The following TSPAN9 variants were observed in gnomAD, a reference collection of about 807,000 sequenced individuals.
TSPAN9 encodes tetraspanin-9.
Under a neutral mutation model 31.0 loss-of-function variants are expected in TSPAN9, and 16 were observed. The ratio of observed to expected loss-of-function variants is 0.52; its 90% CI spans 0.35 to 0.78. TSPAN9 has a LOEUF of 0.78. Ranked by LOEUF, TSPAN9 falls within the 30% of genes least tolerant of loss-of-function variation. The probability of loss-of-function intolerance (pLI) is 0.01; values close to 1 mark genes in which losing one functional copy is unlikely to be tolerated. For missense variants in TSPAN9, 272 were observed against 312.5 expected (o/e 0.87, Z 0.98); for synonymous variants, 145 against 121.6 (o/e 1.19, Z -1.27).
At chr12:3,088,407 T>A (rs941946619) in intron 2 of TSPAN9, among the ~76,000 whole-genome samples, 5 of 152,146 alleles carry the variant, frequency 3.3e-5, no homozygotes, top group African/African-American at 9.7e-5. Context: ...TTAGCAGCCA[T>A]TTCAAATTGG....
intron 3 of TSPAN9, among the ~76,000 whole-genome samples, chr12:3,239,452 T>C (rs1267481897): frequency 6.6e-6 from 1 of 152,176 alleles, no homozygotes; most frequent in Non-Finnish European, 1.5e-5. Flanking sequence ...ATTAACATGA[T>C]CATGATGGTG....
chr12:3,087,472 C>T (rs1409326238), intron 2 of TSPAN9, among the ~76,000 whole-genome samples: 2 of 151,972 alleles, frequency 1.3e-5, no homozygotes, highest in East Asian at 3.9e-4. Context: ...CATGATCGTA[C>T]CACTGCACTC....
chr12:3,227,549 C>G (rs1410271374), intron 3 of TSPAN9, among the ~76,000 whole-genome samples: 1 of 152,170 alleles, frequency 6.6e-6, no homozygotes, highest in African/African-American at 2.4e-5. Context: ...TTAATGCTTC[C>G]TGGCAGCACC....
At chr12:3,122,640 A>ACC (rs1020591803) in intron 2 of TSPAN9, among the ~76,000 whole-genome samples, 1 of 151,998 alleles carries the variant, frequency 6.6e-6, no homozygotes, top group Non-Finnish European at 1.5e-5. Context: ...GTTGGCAAGA[A>ACC]CCCCTCTTAA....
intron 2 of TSPAN9, among the ~76,000 whole-genome samples, chr12:3,146,887 A>G (rs369247759): frequency 2.0e-5 from 3 of 152,174 alleles, no homozygotes; most frequent in South Asian, 2.1e-4. Flanking sequence ...CTTTGGGGCC[A>G]TGCTTTTTTG....
intron 2 of TSPAN9, among the ~76,000 whole-genome samples, chr12:3,140,948 T>C (rs577969015): frequency 1.3e-5 from 2 of 151,576 alleles, no homozygotes; most frequent in African/African-American, 2.4e-5. Flanking sequence ...TTTTGGGTTA[T>C]TGGAGAAGGC....
intron 2 of TSPAN9, among the ~76,000 whole-genome samples, chr12:3,155,108 A>T (rs570093907): frequency 3.9e-5 from 6 of 152,214 alleles, no homozygotes; most frequent in Non-Finnish European, 8.8e-5. Context: ...AGCTAATTAA[A>T]AAAAAATTAA....
chr12:3,114,124 G>A (rs577947414), intron 2 of TSPAN9, among the ~76,000 whole-genome samples: 2 of 152,350 alleles, frequency 1.3e-5, no homozygotes, highest in South Asian at 4.1e-4. Flanking sequence ...GGACCTGACT[G>A]TAAACATGTT....
At chr12:3,142,395 C>T (rs1391672454) in intron 2 of TSPAN9, among the ~76,000 whole-genome samples, 5 of 152,136 alleles carry the variant, frequency 3.3e-5, no homozygotes, top group Non-Finnish European at 5.9e-5. Context: ...GCCCCCTCCT[C>T]GCCTCTCGCC....
chr12:3,111,439 C>T (rs1385435908), intron 2 of TSPAN9, among the ~76,000 whole-genome samples: 1 of 152,150 alleles, frequency 6.6e-6, no homozygotes, highest in Non-Finnish European at 1.5e-5. Flanking sequence ...CTCTGAGCTT[C>T]TCTTTTCTCA....
Position 3,168,178 on chromosome 12 carries a change from G to A in TSPAN9, c.-17-32999G>A, listed in dbSNP as rs11830854. 0.032 allele frequency among the ~76,000 whole-genome samples: 4,874 copies of A among 152,276 alleles called. 254 individuals carry two copies. Among genetic ancestry groups the A allele is most frequent in the African/African-American group, 0.11 (4,503 of 41,524 alleles). ...TGCCCTGCAAGGCAGGAGTAGCACCGGTCATCCTTGGCAGAGAATCATTCG... is the reference window on the plus strand; with the variant it reads ...TGCCCTGCAAGGCAGGAGTAGCACCAGTCATCCTTGGCAGAGAATCATTCG... On this transcript the variant is annotated intron_variant, in intron 2 of 8. Transcript: ENST00000011898. This position sits in a 1 kb window ranked among gnomAD's most constrained non-coding sequence, Gnocchi z 4.0.
intron 3 of TSPAN9, among the ~76,000 whole-genome samples, chr12:3,220,305 G>A (rs897424554): frequency 3.9e-5 from 6 of 152,104 alleles, no homozygotes; most frequent in Admixed American, 3.9e-4. Context: ...AAAGACTTCC[G>A]TGCTCTTAAC....
chr12:3,093,681 A>C (rs73247328), intron 2 of TSPAN9, among the ~76,000 whole-genome samples: 6,907 of 152,192 alleles, frequency 0.045, 503 homozygotes, highest in African/African-American at 0.16. Context: ...CTATGGAAAG[A>C]AACTCAACTA....
At position 3,172,799 on chromosome 12, in the gene TSPAN9, G is replaced by A. The variant is rs1253209096; in HGVS notation, c.-17-28378G>A. 6.6e-6 allele frequency: 1 copy of A among 152,248 alleles called. No homozygotes were observed. Among genetic ancestry groups the A allele is most frequent in the Non-Finnish European group, 1.5e-5 (1 of 68,060 alleles). 9.4% of individuals were successfully genotyped at this position (152,248 alleles called of 1,614,324 possible). On this transcript the variant is annotated intron_variant, in intron 2 of 8. Coordinates refer to ENST00000011898, the MANE Select transcript of TSPAN9 (RefSeq NM_006675.5). The surrounding 1 kb of genome is among the most constrained non-coding windows in gnomAD (Gnocchi z 4.8). ...TAATCAGCGTCACCCTGTAGGTGTT[G>A]ATTGAGCCTGCAGGGAATACCAAGC...
chr12:3,200,289 GC>G (rs1313995577), intron 2 of TSPAN9: 1 of 152,216 alleles, frequency 6.6e-6, no homozygotes, highest in African/African-American at 2.4e-5. Flanking sequence ...AGGGGGCGGG[GC>G]CGAGGGCCCG....
At chr12:3,222,252 G>C (rs1040731914) in intron 3 of TSPAN9, among the ~76,000 whole-genome samples, 1 of 152,232 alleles carries the variant, frequency 6.6e-6, no homozygotes, top group Admixed American at 6.5e-5. Context: ...ATGTGGAGGG[G>C]ATCCCCATTT....
At chr12:3,103,513 G>A (rs1017698325) in intron 2 of TSPAN9, among the ~76,000 whole-genome samples, 2 of 152,154 alleles carry the variant, frequency 1.3e-5, no homozygotes, top group Non-Finnish European at 2.9e-5. Flanking sequence ...GACCTCAAAG[G>A]TCCCTAAACT....
At chr12:3,228,096 C>G (rs950201837) in intron 3 of TSPAN9, among the ~76,000 whole-genome samples, 2 of 152,132 alleles carry the variant, frequency 1.3e-5, no homozygotes, top group African/African-American at 4.8e-5. Context: ...TGTCTGTAAT[C>G]CCATCACTTT....
At chr12:3,166,007 T>C (rs999578904) in intron 2 of TSPAN9, among the ~76,000 whole-genome samples, 1 of 152,080 alleles carries the variant, frequency 6.6e-6, no homozygotes, top group Non-Finnish European at 1.5e-5. Context: ...TGGAGGGAAG[T>C]GGCCGAGGTG....
Sources: gnomAD v4.1 joint callset for allele counts (sites outside exome capture counted in the v4.1 genomes callset) on GRCh38, gnomAD v4.1.1 for gene constraint, Gnocchi (gnomAD v3.1) non-coding constraint, MANE v1.5 for transcripts, NCBI Gene and HGNC (gene_info 2026-07-23, HGNC 2026-07-21) for gene names.